Variants in UPF3B observed in about 807,000 individuals in gnomAD.
UPF3B encodes the protein regulator of nonsense transcripts 3B.
UPF3B carries 7 observed loss-of-function variants against 40.3 expected under a neutral mutation model. The observed-to-expected ratio is 0.17, with a 90% CI of 0.10 to 0.33. UPF3B has a LOEUF of 0.33. Among genes scored for constraint, UPF3B ranks in the 10% least tolerant of loss-of-function variants. The probability of loss-of-function intolerance (pLI) is 1.00; values close to 1 mark genes in which losing one functional copy is unlikely to be tolerated. For synonymous variants in UPF3B, 117 were observed against 117.3 expected (o/e 1.00, Z 0.01); for missense variants, 229 against 358.9 (o/e 0.64, Z 2.93).
chrX:119,820,438 A>C (rs1245354173), intron 4 of UPF3B, among the ~76,000 whole-genome samples: 2 of 106,191 alleles, frequency 1.9e-5, no homozygotes, highest in African/African-American at 7.0e-5. Context: ...GGCATGTGCC[A>C]CCAAGCCCGG....
downstream of UPF3B, among the ~76,000 whole-genome samples, chrX:119,833,043 C>G (rs962661926): frequency 1.8e-5 from 2 of 111,107 alleles, no homozygotes; most frequent in East Asian, 5.7e-4. Context: ...TGCCCTCACC[C>G]TTTCAATTTT....
Position 119,834,300 on chromosome X carries a change from C to G in UPF3B, c.*578G>C. 1.3e-6 allele frequency: 1 copy of G among 755,596 alleles called. No individual in the cohort carries two copies. The highest frequency in any genetic ancestry group is 6.7e-5 in the South Asian group (1 of 14,969). 62.3% of individuals were successfully genotyped at this position (755,596 alleles called of 1,213,427 possible). ...AGCAAACAAAAAACTAAAACTAATC[C>G]TAAAACTTTAGGACACTGGATACAG... On this transcript the variant is annotated 3_prime_UTR_variant, in exon 11 of 11. Transcript: ENST00000276201.
chrX:119,836,366 A>T (rs1248463571), intron 10 of UPF3B, among the ~76,000 whole-genome samples: 1 of 111,480 alleles, frequency 9.0e-6, no homozygotes, highest in Non-Finnish European at 1.9e-5. Context: ...AAAAATAAAT[A>T]ATTAATTAAT....
Position 119,834,608 on chromosome X carries a change from G to A in UPF3B, c.*270C>T. 9.8e-7 allele frequency: 1 copy of A among 1,017,999 alleles called. No individual in the cohort carries two copies. The highest frequency in any genetic ancestry group is 1.2e-6 in the Non-Finnish European group (1 of 800,575). 83.9% of individuals were successfully genotyped at this position (1,017,999 alleles called of 1,213,427 possible). On this transcript the variant is annotated 3_prime_UTR_variant, in exon 11 of 11. Transcript: ENST00000276201. ...AAGTCCTCACTTGACAATTCCCCCTGCAAATTGCAATGCATGTCCTTGCCG... is the reference window on the plus strand; with the variant it reads ...AAGTCCTCACTTGACAATTCCCCCTACAAATTGCAATGCATGTCCTTGCCG...
At chrX:119,850,905 AT>A (rs931418993) in intron 3 of UPF3B, among the ~76,000 whole-genome samples, 1 of 111,462 alleles carries the variant, frequency 9.0e-6, no homozygotes, top group Non-Finnish European at 1.9e-5. Context: ...CGCCTGGCTA[AT>A]TTTTTTAGCA....
intron 3 of UPF3B, among the ~76,000 whole-genome samples, chrX:119,827,504 T>C (rs944757841): frequency 9.1e-6 from 1 of 110,169 alleles, no homozygotes; most frequent in Non-Finnish European, 1.9e-5. Context: ...GTTCAAGCGA[T>C]TCTCCTGCCT....
intron 5 of UPF3B, among the ~76,000 whole-genome samples, chrX:119,813,451 C>T (rs1475138216): frequency 6.3e-5 from 7 of 111,207 alleles, no homozygotes; most frequent in Non-Finnish European, 1.3e-4. Context: ...CTTTACCTTC[C>T]GCTATGAGTA....
At chrX:119,827,900 T>C (rs748986433) in intron 3 of UPF3B, among the ~76,000 whole-genome samples, 22 of 109,600 alleles carry the variant, frequency 2.0e-4, no homozygotes, top group Non-Finnish European at 3.6e-4. Flanking sequence ...CTCGGCTAAT[T>C]TTATTTTTTT....
intron 4 of UPF3B, among the ~76,000 whole-genome samples, chrX:119,844,610 C>CT (rs1057115263): frequency 8.6e-5 from 9 of 105,030 alleles, no homozygotes; most frequent in African/African-American, 1.0e-4. Flanking sequence ...TTTTCTTTTT[C>CT]TTTTTTTTTT....
chrX:119,826,631 G>T (rs1268407824), intron 3 of UPF3B, among the ~76,000 whole-genome samples: 1 of 112,456 alleles, frequency 8.9e-6, no homozygotes, highest in Non-Finnish European at 1.9e-5. Context: ...CAAGAACAGA[G>T]ATTTCAATGG....
At chrX:119,820,627 T>G in intron 4 of UPF3B, among the ~76,000 whole-genome samples, 1 of 76,754 alleles carries the variant, frequency 1.3e-5, no homozygotes, top group East Asian at 3.4e-4. Flanking sequence ...GCCTGGCCAA[T>G]TTTTTTTTTT....
chrX:119,850,025 C>T (rs2056281889), intron 3 of UPF3B, among the ~76,000 whole-genome samples: 1 of 104,199 alleles, frequency 9.6e-6, no homozygotes, highest in African/African-American at 3.7e-5. Flanking sequence ...TATGGTGGCT[C>T]GCACCTGTAA....
rs750093901 is a variant in UPF3B, at chrX:119,852,836, C to T, written c.93G>A (p.Gly31=). Residue 31 remains glycine (G), a synonymous_variant, in exon 1 of 11, where the codon GGG becomes GGA. Transcript: ENST00000276201. ...GCTTATCTTCCCCCTTGGAGCTGTC[C>T]CCCGAGGTCCCACCACCGCTGCCTG... is the stretch of plus-strand genomic sequence containing the variant. ...GATGSGGGTS[G]DSSKGEDKQD... is the part of the protein sequence containing the mutation. 6.6e-6 allele frequency: 8 copies of T among 1,211,193 alleles called. No homozygotes were observed. In the East Asian group the frequency reaches 1.8e-4, roughly 27 times the overall value.
rs1280623696 is a variant in UPF3B at position 119,843,299 on chromosome X, G to A, written c.472C>T (p.Pro158Ser). ...DTKVGTIDDD[P>S]EYRKFLESYA... ...CTTTCCAAAAACTTTCTATATTCTG[G>A]ATCTAAATAATCATTTGAGGAAACA... Residue 158 changes from proline to serine, a missense_variant and splice_region_variant, in exon 5 of 11, where the codon CCA (proline) becomes TCA (serine). Pro to Ser is a moderately conservative substitution (Grantham distance 74). Transcript: ENST00000276201. 13 of 1,126,764 alleles carry A rather than the reference G, an allele frequency of 1.2e-5. No individual in the cohort carries two copies. Among genetic ancestry groups the A allele is most frequent in the Non-Finnish European group, 1.5e-5 (12 of 820,638 alleles). 92.9% of individuals were successfully genotyped at this position (1,126,764 alleles called of 1,213,427 possible). A position where few individuals can be genotyped will look rare whatever the true frequency, so the allele number is the denominator to read the frequency against.
At chrX:119,805,784 T>C (rs1478320127) in intron 6 of UPF3B, among the ~76,000 whole-genome samples, 1 of 101,552 alleles carries the variant, frequency 9.8e-6, no homozygotes, top group East Asian at 3.1e-4. Flanking sequence ...CACAATGAGA[T>C]ACCATCTCAC....
rs1321139947 is a variant in UPF3B, at chrX:119,834,398, G to A, written c.*480C>T. 1 of 786,960 alleles carries A rather than the reference G, an allele frequency of 1.3e-6. No individual in the cohort carries two copies. Among genetic ancestry groups the A allele is most frequent in the Admixed American group, 7.2e-5 (1 of 13,894 alleles). 64.9% of individuals were successfully genotyped at this position (786,960 alleles called of 1,213,427 possible). A position where few individuals can be genotyped will look rare whatever the true frequency, so the allele number is the denominator to read the frequency against. ...TCCTTCACTGTACCTGTACTACAAGGACATGCTTGTTGCTTCTACACTACC... is the reference window on the plus strand; with the variant it reads ...TCCTTCACTGTACCTGTACTACAAGAACATGCTTGTTGCTTCTACACTACC... On this transcript the variant is annotated 3_prime_UTR_variant, in exon 11 of 11. Coordinates refer to ENST00000276201, the MANE Select transcript of UPF3B (RefSeq NM_080632.3).
chrX:119,837,856 C>T lies in UPF3B; in HGVS notation c.1203G>A (p.Arg401=). The T allele has an allele frequency of 8.3e-7, 1 of 1,210,676 alleles. No individual in the cohort carries two copies. Among genetic ancestry groups the T allele is most frequent in the Non-Finnish European group, 1.1e-6 (1 of 895,270 alleles). The change falls in exon 10 of 11, where the codon CGG becomes CGA. Residue 401 remains arginine, a synonymous_variant. Transcript: ENST00000276201. ...TACTTTCAGCCTTCTTTCCTTTATC[C>T]CGAAGTGTGTCTTTCTCTTTTTTCA... ...EEMKKEKDTL[R]DKGKKAESTE...
chrX:119,834,472 A>G lies in UPF3B; in HGVS notation c.*406T>C, dbSNP rs1171938006. 2.3e-6 allele frequency: 2 copies of G among 853,409 alleles called. No homozygotes were observed. The highest frequency in any genetic ancestry group is 3.8e-5 in the South Asian group (1 of 26,540). The allele number at this position is 853,409 out of a possible 1,213,427, so 70.3% of individuals were successfully genotyped here. Reference sequence around the variant, plus strand: ...AATACAATAGAATTAGATCGGAACAAGGCTTCAAAGCGACTCTGCTCCACC... The same window carrying G: ...AATACAATAGAATTAGATCGGAACAGGGCTTCAAAGCGACTCTGCTCCACC... On this transcript the variant is annotated 3_prime_UTR_variant, in exon 11 of 11. Coordinates refer to ENST00000276201, the MANE Select transcript of UPF3B (RefSeq NM_080632.3).
chrX:119,812,619 C>T (rs769088256), intron 5 of UPF3B, among the ~76,000 whole-genome samples: 2 of 111,796 alleles, frequency 1.8e-5, no homozygotes, highest in South Asian at 7.5e-4. Flanking sequence ...TTTTCTCCTA[C>T]TCTCTGGCTA....
Sources: gnomAD v4.1 joint callset for allele counts (sites outside exome capture counted in the v4.1 genomes callset) on GRCh38, gnomAD v4.1.1 for gene constraint, MANE v1.5 for transcripts, NCBI Gene and HGNC (gene_info 2026-07-23, HGNC 2026-07-21) for gene names.